Variants in ACTR3 observed in about 807,000 individuals in gnomAD.
The protein encoded by ACTR3 is actin related protein 3.
ACTR3 carries 12 observed loss-of-function variants against 56.8 expected under a neutral mutation model. The ratio of observed to expected loss-of-function variants is 0.21; its 90% confidence interval spans 0.14 to 0.34. The LOEUF is 0.34. ACTR3 is among the 10% of genes least tolerant of loss of function. The probability of loss-of-function intolerance (pLI) is 1.00; values close to 1 mark genes in which losing one functional copy is unlikely to be tolerated. For synonymous variants in ACTR3, 162 were observed against 167.4 expected, an observed-to-expected ratio of 0.97 and a Z score of 0.25; for missense variants, 282 against 512.5, an observed-to-expected ratio of 0.55 and a Z score of 4.34.
Position 113,923,634 on chromosome 2 carries a change from C to G in ACTR3, c.226-3711C>G, listed in dbSNP as rs565482758. ...ACAGGCATGAGCCACTGTGCCCGGC[C>G]TGTTTTGTTTGTTTTTATTTGTTGT... On this transcript the variant is annotated intron_variant, in intron 3 of 11. Transcript: ENST00000263238. Among the ~76,000 whole-genome samples the G allele has an allele frequency of 1.1e-4, 17 of 152,216 alleles. No individual in the cohort carries two copies. The South Asian group carries it at 3.1e-3, about 28-fold the overall frequency.
chr2:113,890,495 C>T lies in ACTR3; in HGVS notation c.44+172C>T, dbSNP rs1504043. 18,323 of 1,326,442 alleles carry T rather than the reference C, an allele frequency of 0.014. 1,319 individuals are homozygous for T. In the African/African-American group the frequency reaches 0.19, roughly 14 times the overall value. The allele number at this position is 1,326,442 out of a possible 1,614,324, so 82.2% of individuals were successfully genotyped here. ...CCGCAGCCAGGGCCTCGCGGGTCCC[C>T]TCGTTTCTCCCTCCTGGGACTGGGG... On this transcript the variant is annotated intron_variant, in intron 1 of 11. Transcript: ENST00000263238.
chr2:113,925,194 C>CCTT (rs1559473847), intron 3 of ACTR3, among the ~76,000 whole-genome samples: 1 of 105,200 alleles, frequency 9.5e-6, no homozygotes, highest in Non-Finnish European at 1.9e-5. Flanking sequence ...ATCGTGCCAC[C>CCTT]TTTTTTTTTT....
chr2:113,927,836 C>G (rs895713958), intron 4 of ACTR3, among the ~76,000 whole-genome samples: 9 of 152,070 alleles, frequency 5.9e-5, no homozygotes, highest in African/African-American at 2.2e-4. Flanking sequence ...TATTAAACAT[C>G]TTTTTATTAA....
chr2:113,929,545 G>A (rs567214994), intron 4 of ACTR3, among the ~76,000 whole-genome samples: 17 of 152,276 alleles, frequency 1.1e-4, no homozygotes, highest in East Asian at 7.7e-4. Flanking sequence ...GAATTGCAGC[G>A]TCATAGGGTA....
Position 113,931,377 on chromosome 2 carries a change from G to T in ACTR3, c.413G>T (p.Gly138Val). ...ATGTTTGAGTCCTTCAATGTTCCAGGCTTGTACATTGCTGTGCAGGTAAGC... is the reference window on the plus strand; with the variant it reads ...ATGTTTGAGTCCTTCAATGTTCCAGTCTTGTACATTGCTGTGCAGGTAAGC... ...EIMFESFNVPGLYIAVQAVLA... is the reference protein window; with the variant it reads ...EIMFESFNVPVLYIAVQAVLA... The change falls in exon 5 of 12, where the codon GGC becomes GTC. Residue 138 changes from glycine to valine, a missense_variant. Coordinates refer to ENST00000263238, the MANE Select transcript of ACTR3 (RefSeq NM_005721.5). 1 of 1,594,946 alleles carries T rather than the reference G, an allele frequency of 6.3e-7. No homozygotes were observed. Among genetic ancestry groups the T allele is most frequent in the Middle Eastern group, 1.7e-4 (1 of 5,964 alleles).
intron 1 of ACTR3, among the ~76,000 whole-genome samples, chr2:113,902,003 T>G (rs1679108987): frequency 1.3e-5 from 2 of 152,346 alleles, no homozygotes; most frequent in African/African-American, 2.4e-5. Flanking sequence ...ATGGATTTCT[T>G]TTAGGTAGGT....
intron 1 of ACTR3, among the ~76,000 whole-genome samples, chr2:113,899,714 T>A (rs1410171818): frequency 6.6e-6 from 1 of 152,236 alleles, no homozygotes; most frequent in Non-Finnish European, 1.5e-5. Flanking sequence ...AGCTCCATAG[T>A]GGCAGGGATT....
At position 113,960,791 on chromosome 2, in the gene ACTR3, A is replaced by T. The variant is rs771142546; in HGVS notation, c.*3336A>T. ...AAGTCTGTTACCACCCAGATTTCCA[A>T]CTCGGGTTAATTGGTACTAATTCTA... On this transcript the variant is annotated 3_prime_UTR_variant, in exon 12 of 12. Transcript: ENST00000263238. The T allele has an allele frequency of 2.0e-5, 3 of 151,930 alleles. No homozygotes were observed. The highest frequency in any genetic ancestry group is 6.6e-5 in the Admixed American group (1 of 15,204). The allele number at this position is 151,930 out of a possible 1,614,324, so 9.4% of individuals were successfully genotyped here.
chr2:113,937,543 G>A (rs1405616834), intron 6 of ACTR3, among the ~76,000 whole-genome samples: 1 of 152,140 alleles, frequency 6.6e-6, no homozygotes, highest in African/African-American at 2.4e-5. Flanking sequence ...TGATCTGCTG[G>A]CTTTGAATTC....
intron 1 of ACTR3, among the ~76,000 whole-genome samples, chr2:113,891,995 G>C (rs1463295232): frequency 1.3e-5 from 2 of 152,180 alleles, no homozygotes; most frequent in African/African-American, 4.8e-5. Flanking sequence ...CTTTTCAAAT[G>C]TGTTTTGTTA....
At chr2:113,950,857 C>T (rs146430827) in intron 8 of ACTR3, 3,173 of 152,870 alleles carry the variant, frequency 0.021, 113 homozygotes, top group African/African-American at 0.071. Flanking sequence ...ACTTATGGTT[C>T]CACGTGGCTG....
At chr2:113,902,589 T>C (rs1379623433) in intron 1 of ACTR3, among the ~76,000 whole-genome samples, 3 of 150,386 alleles carry the variant, frequency 2.0e-5, no homozygotes, top group African/African-American at 7.5e-5. Context: ...AAAGAGACAT[T>C]TTTGGTTTAG....
chr2:113,901,698 G>C (rs1045288516), intron 1 of ACTR3, among the ~76,000 whole-genome samples: 3 of 152,052 alleles, frequency 2.0e-5, no homozygotes, highest in East Asian at 1.9e-4. Flanking sequence ...TATTTATTTT[G>C]TTATATCATT....
At chr2:113,916,514 A>G (rs1679408068) in intron 2 of ACTR3, among the ~76,000 whole-genome samples, 1 of 152,068 alleles carries the variant, frequency 6.6e-6, no homozygotes, top group African/African-American at 2.4e-5. Flanking sequence ...TTTTTTTCTC[A>G]TTTGTGTTTT....
chr2:113,893,018 A>T (rs1411794421), intron 1 of ACTR3, among the ~76,000 whole-genome samples: 1 of 151,458 alleles, frequency 6.6e-6, no homozygotes, highest in East Asian at 2.0e-4. Flanking sequence ...TGCTTCATTC[A>T]CATTGATACC....
At chr2:113,940,814 TTA>T (rs1679911019) in intron 7 of ACTR3, among the ~76,000 whole-genome samples, 1 of 149,352 alleles carries the variant, frequency 6.7e-6, no homozygotes, top group Non-Finnish European at 1.5e-5. Context: ...TTTCTTATTT[TTA>T]TTGATTTTTT....
intron 1 of ACTR3, among the ~76,000 whole-genome samples, chr2:113,911,624 G>C (rs1464210719): frequency 6.6e-6 from 1 of 151,750 alleles, no homozygotes; most frequent in Non-Finnish European, 1.5e-5. Flanking sequence ...TCACCATGTT[G>C]GTCAGGCTGG....
chr2:113,912,093 C>G (rs62169876), intron 1 of ACTR3, among the ~76,000 whole-genome samples: 11,175 of 152,136 alleles, frequency 0.073, 457 homozygotes, highest in African/African-American at 0.1. Context: ...TCAGGCTGGT[C>G]TTGAACTCCT....
chr2:113,915,773 C>T (rs991852506), intron 2 of ACTR3, among the ~76,000 whole-genome samples: 1 of 152,110 alleles, frequency 6.6e-6, no homozygotes, highest in African/African-American at 2.4e-5. Flanking sequence ...GAAGTCTTTG[C>T]CATGACTAGT....
Sources: gnomAD v4.1 joint callset for allele counts (sites outside exome capture counted in the v4.1 genomes callset) on GRCh38, gnomAD v4.1.1 for gene constraint, MANE v1.5 for transcripts, NCBI Gene and HGNC (gene_info 2026-07-23, HGNC 2026-07-21) for gene names.